Variants in RIMS2 observed in about 807,000 individuals in gnomAD.
RIMS2 encodes regulating synaptic membrane exocytosis protein 2.
Under a neutral mutation model 174.4 loss-of-function variants are expected in RIMS2, and 59 were observed. The observed-to-expected ratio is 0.34, with a 90% confidence interval of 0.27 to 0.42. The LOEUF (loss-of-function observed/expected upper bound fraction) is 0.42. Among genes scored for constraint, RIMS2 ranks in the 10% least tolerant of loss-of-function variants. The pLI is 1.00. For missense variants in RIMS2, 1,620 were observed against 1,666.3 expected (o/e 0.97, Z 0.48); for synonymous variants, 606 against 572.5 (o/e 1.06, Z -0.84).
At chr8:103,983,563 G>A (rs1324646082) in intron 16 of RIMS2, among the ~76,000 whole-genome samples, 1 of 152,066 alleles carries the variant, frequency 6.6e-6, no homozygotes, top group Non-Finnish European at 1.5e-5. Flanking sequence ...TAGACCAATG[G>A]AACACAATAG....
At chr8:103,880,196 C>T (rs1013171356) in intron 3 of RIMS2, among the ~76,000 whole-genome samples, 3 of 151,612 alleles carry the variant, frequency 2.0e-5, no homozygotes, top group Admixed American at 6.6e-5. Context: ...ATAACAAGCA[C>T]ATAGTTATTT....
At chr8:103,794,000 A>G (rs892702183) in intron 3 of RIMS2, among the ~76,000 whole-genome samples, 15 of 152,226 alleles carry the variant, frequency 9.9e-5, no homozygotes, top group Non-Finnish European at 2.1e-4. Flanking sequence ...GAAAATGGCC[A>G]TACTGCCCAA....
chr8:103,613,121 C>T (rs2095424398), intron 1 of RIMS2, among the ~76,000 whole-genome samples: 1 of 152,170 alleles, frequency 6.6e-6, no homozygotes, highest in Non-Finnish European at 1.5e-5. Context: ...GGGTCCTTTC[C>T]TTCAGGGTGG....
downstream of RIMS2, chr8:104,256,012 G>A (rs535416363): frequency 6.6e-6 from 1 of 152,290 alleles, no homozygotes; most frequent in Non-Finnish European, 1.5e-5. Flanking sequence ...TAAAACGTAA[G>A]CTCCTTCAGG....
chr8:104,145,189 A>G (rs2098624208), intron 19 of RIMS2, among the ~76,000 whole-genome samples: 1 of 152,178 alleles, frequency 6.6e-6, no homozygotes, highest in East Asian at 1.9e-4. Flanking sequence ...ATCTGTACAC[A>G]TTGCTAAGTT....
chr8:103,853,419 T>C (rs1304273364), intron 3 of RIMS2, among the ~76,000 whole-genome samples: 1 of 152,144 alleles, frequency 6.6e-6, no homozygotes, highest in African/African-American at 2.4e-5. Flanking sequence ...TTTGTTTCCA[T>C]TGCAATTGCT....
chr8:103,912,059 G>A, exon 6 of RIMS2: 2 of 1,589,836 alleles, frequency 1.3e-6, no homozygotes, highest in South Asian at 1.2e-5. Context: ...TCAGCACCCT[G>A]TAACCTGGCA....
intron 1 of RIMS2, among the ~76,000 whole-genome samples, chr8:103,576,301 A>G (rs951462610): frequency 1.3e-5 from 2 of 152,232 alleles, no homozygotes; most frequent in African/African-American, 2.4e-5. Flanking sequence ...ACAAACAACC[A>G]TAAGAAAGAA....
chr8:104,086,951 A>G (rs922663998), intron 19 of RIMS2, among the ~76,000 whole-genome samples: 1 of 152,160 alleles, frequency 6.6e-6, no homozygotes, highest in Non-Finnish European at 1.5e-5. Flanking sequence ...TTCAGTGACC[A>G]CTTGGTAACT....
At chr8:103,588,138 A>G (rs1017131576) in intron 1 of RIMS2, among the ~76,000 whole-genome samples, 9 of 151,890 alleles carry the variant, frequency 5.9e-5, no homozygotes, top group African/African-American at 2.2e-4. Flanking sequence ...GAAAAAAACA[A>G]TTCTATTTAC....
At chr8:103,642,330 A>G (rs1227047885) in intron 1 of RIMS2, among the ~76,000 whole-genome samples, 1 of 152,138 alleles carries the variant, frequency 6.6e-6, no homozygotes, top group African/African-American at 2.4e-5. Context: ...AAACCTGGTA[A>G]CAGATTATTC....
intron 14 of RIMS2, among the ~76,000 whole-genome samples, chr8:103,948,951 C>T (rs932637121): frequency 7.1e-6 from 1 of 141,584 alleles, no homozygotes; most frequent in African/African-American, 2.7e-5. Flanking sequence ...CATAATGAGA[C>T]CCCATTTTTA....
exon 7 of RIMS2, chr8:103,915,579 G>C (rs1439121112): frequency 6.3e-7 from 1 of 1,580,914 alleles, no homozygotes; most frequent in East Asian, 2.2e-5. Flanking sequence ...TGATACTGTA[G>C]GACATCTTAG....
rs2098629377 is a variant in RIMS2 at position 104,145,565 on chromosome 8, C to T, written c.3335-99351C>T. On this transcript the variant is annotated intron_variant, in intron 19 of 23. Coordinates refer to ENST00000504942, the Ensembl canonical transcript of RIMS2. The stretch of plus-strand genomic sequence containing the variant: ...TTGTGGCTGAGCGTGGTGGCTCACA[C>T]CTGTAATCCCAGCTCTTTGGGAGAC... 2.0e-5 allele frequency among the ~76,000 whole-genome samples: 3 copies of T among 151,672 alleles called. No homozygotes were observed. The South Asian group carries it at 6.2e-4, about 32-fold the overall frequency.
At chr8:104,005,885 T>G (rs761410355) in intron 17 of RIMS2, among the ~76,000 whole-genome samples, 1 of 151,910 alleles carries the variant, frequency 6.6e-6, no homozygotes, top group Non-Finnish European at 1.5e-5. Flanking sequence ...AGTGGAGTCA[T>G]GGTAAAGGAC....
At chr8:104,041,075 T>G (rs937002175) in intron 19 of RIMS2, among the ~76,000 whole-genome samples, 1 of 151,732 alleles carries the variant, frequency 6.6e-6, no homozygotes, top group African/African-American at 2.4e-5. Context: ...AACTTCTGGA[T>G]CTTCTTTATT....
At chr8:103,791,939 C>T (rs1162000350) in intron 3 of RIMS2, among the ~76,000 whole-genome samples, 2 of 152,138 alleles carry the variant, frequency 1.3e-5, no homozygotes, top group African/African-American at 2.4e-5. Context: ...TAGAGACCTA[C>T]AAAGAGACTT....
chr8:103,880,555 C>T, intron 3 of RIMS2: 1 of 413,464 alleles, frequency 2.4e-6, no homozygotes. Context: ...ACTTTCAAAT[C>T]ATCTGATTAA....
chr8:103,681,541 A>G (rs879637343), intron 1 of RIMS2, among the ~76,000 whole-genome samples: 1 of 152,056 alleles, frequency 6.6e-6, no homozygotes, highest in Non-Finnish European at 1.5e-5. Flanking sequence ...AGAATTAAAA[A>G]AAGTGTACAT....
Sources: gnomAD v4.1 joint callset for allele counts (sites outside exome capture counted in the v4.1 genomes callset) on GRCh38, gnomAD v4.1.1 for gene constraint, MANE v1.5 for transcripts, NCBI Gene and HGNC (gene_info 2026-07-23, HGNC 2026-07-21) for gene names.